The following RUNX3 variants were observed in gnomAD, a reference collection of about 807,000 sequenced individuals.
The protein encoded by RUNX3 is runt-related transcription factor 3.
Under a neutral mutation model 27.7 loss-of-function variants are expected in RUNX3, and 10 were observed. The observed-to-expected ratio is 0.36, with a 90% CI of 0.22 to 0.61. The LOEUF is 0.61. Ranked by LOEUF, RUNX3 falls within the 20% of genes least tolerant of loss-of-function variation. The probability of loss-of-function intolerance (pLI) is 0.72; values close to 1 mark genes in which losing one functional copy is unlikely to be tolerated. For missense variants in RUNX3, 469 were observed against 629.5 expected (o/e 0.75, Z 2.73); for synonymous variants, 270 against 269.2 (o/e 1.00, Z -0.03).
In RUNX3 at chr1:24,923,924, G is replaced by T. The variant is rs1361982648; in HGVS notation, c.439+3650C>A. ...CCGCCTGCTAGAGGGGCATTTTTGG[G>T]ATTTGTGGTGGCGTGTGGTCAACAT... On this transcript the variant is annotated intron_variant, in intron 2 of 4. Coordinates refer to ENST00000308873, the MANE Select transcript of RUNX3 (RefSeq NM_004350.3). The surrounding 1 kb of genome is among the most constrained non-coding windows in gnomAD (Gnocchi z 5.9). Among the ~76,000 whole-genome samples the T allele has an allele frequency of 6.6e-6, 1 of 152,196 alleles. No individual in the cohort carries two copies. The highest frequency in any genetic ancestry group is 1.9e-4 in the East Asian group (1 of 5,208).
At chr1:24,945,577 A>G (rs1299491900) in intron 2 of RUNX3, among the ~76,000 whole-genome samples, 1 of 152,182 alleles carries the variant, frequency 6.6e-6, no homozygotes, top group African/African-American at 2.4e-5. Context: ...AGATGAGGAA[A>G]CTGAGGCCCA....
chr1:24,918,081 G>A (rs1231851871), intron 3 of RUNX3, among the ~76,000 whole-genome samples: 2 of 152,178 alleles, frequency 1.3e-5, no homozygotes, highest in Non-Finnish European at 2.9e-5. Flanking sequence ...GTGACCCTGA[G>A]AGCCCTGGAG....
chr1:24,900,109 A>G lies in RUNX3; in HGVS notation c.*2013T>C, dbSNP rs557542388. On this transcript the variant is annotated 3_prime_UTR_variant, in exon 5 of 5. Transcript: ENST00000308873. ...CTGGGACCAGCTATAACCAGAGAAC[A>G]GGAGGGAAGAAACTACAAGGACAAT... is the stretch of plus-strand genomic sequence containing the variant. 1 of 152,458 alleles carries G rather than the reference A, an allele frequency of 6.6e-6. No homozygotes were observed. The highest frequency in any genetic ancestry group is 2.1e-4 in the South Asian group (1 of 4,834). 9.4% of individuals were successfully genotyped at this position (152,458 alleles called of 1,614,324 possible). A position where few individuals can be genotyped will look rare whatever the true frequency, so the allele number is the denominator to read the frequency against.
At chr1:24,938,958 G>A (rs887772308) in intron 2 of RUNX3, among the ~76,000 whole-genome samples, 15 of 152,086 alleles carry the variant, frequency 9.9e-5, no homozygotes, top group African/African-American at 2.4e-4. Context: ...TTGTTACAGC[G>A]ACACAGAGTG....
rs3085849 is a variant in RUNX3, at chr1:24,901,036, G to GTTTTTT, written c.*1080_*1085dup. 6.0e-5 allele frequency: 7 copies of GTTTTTT among 116,904 alleles called. No individual in the cohort carries two copies. Among genetic ancestry groups the GTTTTTT allele is most frequent in the East Asian group, 2.3e-4 (1 of 4,360 alleles). The allele number at this position is 116,904 out of a possible 1,614,324, so 7.2% of individuals were successfully genotyped here. ...TGTTTTGTTTTTTTTTTGTTTTTTTGTTTTTTTTTTTTTTTTGCTCAGGAC... is the reference window on the plus strand; with the variant it reads ...TGTTTTGTTTTTTTTTTGTTTTTTTGTTTTTTTTTTTTTTTTTTTTTTGCTCAGGAC... On this transcript the variant is annotated 3_prime_UTR_variant, in exon 5 of 5. Transcript: ENST00000308873.
chr1:24,920,486 TTTTG>T (rs1487646787), intron 2 of RUNX3, among the ~76,000 whole-genome samples: 19 of 152,298 alleles, frequency 1.2e-4, no homozygotes, highest in Admixed American at 1.0e-3. Context: ...ACGCTCTTGA[TTTTG>T]TTTGCCTTTT....
chr1:24,942,964 G>T (rs1214033922), intron 2 of RUNX3, among the ~76,000 whole-genome samples: 1 of 152,250 alleles, frequency 6.6e-6, no homozygotes, highest in African/African-American at 2.4e-5. Context: ...AGAGGTCACA[G>T]GCTGGAAATG....
chr1:24,914,275 G>A (rs1326368494), intron 3 of RUNX3, among the ~76,000 whole-genome samples: 7 of 152,212 alleles, frequency 4.6e-5, no homozygotes, highest in African/African-American at 1.4e-4. Flanking sequence ...GACCAGGCCC[G>A]TCACCCATCT....
At chr1:24,915,105 C>T (rs1336937944) in intron 3 of RUNX3, among the ~76,000 whole-genome samples, 1 of 152,224 alleles carries the variant, frequency 6.6e-6, no homozygotes, top group Non-Finnish European at 1.5e-5. Flanking sequence ...CAAACCAGAG[C>T]AAAGAACTCT....
intron 2 of RUNX3, among the ~76,000 whole-genome samples, chr1:24,939,442 G>A (rs749708772): frequency 3.9e-5 from 6 of 152,228 alleles, no homozygotes; most frequent in African/African-American, 9.6e-5. Flanking sequence ...GTATAGATGC[G>A]CAGATAGATG....
chr1:24,935,812 T>G (rs1356762530), intron 2 of RUNX3, among the ~76,000 whole-genome samples: 4 of 152,238 alleles, frequency 2.6e-5, no homozygotes, highest in Admixed American at 1.3e-4. Context: ...CACCCTCAGG[T>G]GCCTCTGAAG....
chr1:24,957,792 A>G (rs1343478406), intron 2 of RUNX3, among the ~76,000 whole-genome samples: 1 of 152,180 alleles, frequency 6.6e-6, no homozygotes, highest in Non-Finnish European at 1.5e-5. Context: ...CATTTTCTCC[A>G]TTTTACAGGT....
chr1:24,949,141 C>T (rs1470895924), intron 2 of RUNX3, among the ~76,000 whole-genome samples: 1 of 151,964 alleles, frequency 6.6e-6, no homozygotes, highest in East Asian at 1.9e-4. Flanking sequence ...GGAGCATTTC[C>T]CACGGGCGGC....
chr1:24,919,411 A>C, intron 2 of RUNX3, 67 bp from the exon 3 acceptor site: 1 of 995,742 alleles, frequency 1.0e-6, no homozygotes, highest in Non-Finnish European at 1.6e-6. Flanking sequence ...CTGCTCTCCC[A>C]CCTGTATCTA....
At chr1:24,954,763 G>A (rs144889099) in intron 2 of RUNX3, among the ~76,000 whole-genome samples, 2 of 152,348 alleles carry the variant, frequency 1.3e-5, no homozygotes, top group East Asian at 1.9e-4. Context: ...GCTCAGGTGT[G>A]TGTCTAGAGA....
chr1:24,932,832 A>G (rs1641262979), upstream of RUNX3, among the ~76,000 whole-genome samples: 1 of 152,082 alleles, frequency 6.6e-6, no homozygotes. Context: ...CTTCCATCAG[A>G]TCGATGGACA....
intron 2 of RUNX3, among the ~76,000 whole-genome samples, chr1:24,956,331 A>G (rs546642331): frequency 1.3e-5 from 2 of 152,354 alleles, no homozygotes; most frequent in East Asian, 3.9e-4. Context: ...AAAAGTTTGG[A>G]AAATACACAA....
chr1:24,958,826 G>T (rs889161406), intron 2 of RUNX3, among the ~76,000 whole-genome samples: 4 of 152,232 alleles, frequency 2.6e-5, no homozygotes, highest in Non-Finnish European at 5.9e-5. Flanking sequence ...CCTAGCAGAG[G>T]GGGTGTTTGG....
chr1:24,953,385 G>GA (rs1641823734), intron 2 of RUNX3, among the ~76,000 whole-genome samples: 1 of 42,900 alleles, frequency 2.3e-5, no homozygotes. Context: ...AAAAAGAAAA[G>GA]AAAAGAAAAG....
Sources: allele counts gnomAD v4.1 joint callset (sites outside exome capture counted in the v4.1 genomes callset), GRCh38; gene constraint gnomAD v4.1.1; non-coding constraint Gnocchi (gnomAD v3.1); transcripts MANE v1.5; gene names NCBI Gene and HGNC (gene_info 2026-07-23, HGNC 2026-07-21).